SLC35F4: variants seen among roughly 807,000 people sequenced by gnomAD.
SLC35F4 encodes the protein solute carrier family 35 member F4.
SLC35F4 carries 24 observed loss-of-function variants against 44.2 expected under a neutral mutation model. That is an observed-to-expected ratio of 0.54 (90% CI 0.39 to 0.76). The LOEUF is 0.76. Ranked by LOEUF, SLC35F4 falls within the 30% of genes least tolerant of loss-of-function variation. SLC35F4 has a pLI of 0.00. For synonymous variants in SLC35F4, 238 were observed against 223.6 expected, an observed-to-expected ratio of 1.06 and a Z score of -0.57; for missense variants, 562 against 586.1, an observed-to-expected ratio of 0.96 and a Z score of 0.42.
At chr14:57,825,833 G>A (rs1189137518) in intron 1 of SLC35F4, among the ~76,000 whole-genome samples, 1 of 152,042 alleles carries the variant, frequency 6.6e-6, no homozygotes, top group Non-Finnish European at 1.5e-5. Flanking sequence ...CCTCTTCAAG[G>A]AGAACTACCT....
chr14:57,841,416 T>G (rs1053082914), intron 1 of SLC35F4, among the ~76,000 whole-genome samples: 1 of 152,062 alleles, frequency 6.6e-6, no homozygotes, highest in Non-Finnish European at 1.5e-5. Context: ...AAAATAGCGA[T>G]TGTGGAAGTG....
At chr14:57,814,911 T>C (rs1307678705) in intron 1 of SLC35F4, among the ~76,000 whole-genome samples, 1 of 152,198 alleles carries the variant, frequency 6.6e-6, no homozygotes, top group Non-Finnish European at 1.5e-5. Flanking sequence ...AGGAGTGCTT[T>C]GCCAGATACA....
At chr14:57,692,503 C>G (rs2075265053) in intron 1 of SLC35F4, among the ~76,000 whole-genome samples, 1 of 151,854 alleles carries the variant, frequency 6.6e-6, no homozygotes, top group Non-Finnish European at 1.5e-5. Flanking sequence ...TTTAGTTCAC[C>G]ACTTAATCTG....
intron 1 of SLC35F4, among the ~76,000 whole-genome samples, chr14:57,723,563 G>A (rs1221992451): frequency 3.9e-5 from 6 of 152,244 alleles, no homozygotes; most frequent in Non-Finnish European, 7.3e-5. Flanking sequence ...TGTACCAGAT[G>A]TGGTTTCATT....
chr14:57,887,406 C>G (rs183644909), intron 1 of SLC35F4, among the ~76,000 whole-genome samples: 2 of 152,316 alleles, frequency 1.3e-5, no homozygotes, highest in East Asian at 1.9e-4. Context: ...ACAGGTAATA[C>G]AGACTGTTCT....
At chr14:57,925,025 G>C (rs7148048) in intron 1 of SLC35F4, among the ~76,000 whole-genome samples, 21,136 of 151,926 alleles carry the variant, frequency 0.14, 1,639 homozygotes, top group Middle Eastern at 0.2. Context: ...CAAATTGCTG[G>C]GATTACAGGC....
intron 1 of SLC35F4, among the ~76,000 whole-genome samples, chr14:57,716,124 G>T (rs1264836760): frequency 6.6e-6 from 1 of 152,262 alleles, no homozygotes; most frequent in Admixed American, 6.5e-5. Context: ...CACTGTGTGC[G>T]TGCGGGTTTT....
At chr14:57,964,297 C>G (rs547087790) in intron 1 of SLC35F4, among the ~76,000 whole-genome samples, 1 of 151,834 alleles carries the variant, frequency 6.6e-6, no homozygotes, top group African/African-American at 2.4e-5. Context: ...TCCAGCTTCT[C>G]GGCAGAAGTA....
intron 1 of SLC35F4, among the ~76,000 whole-genome samples, chr14:57,794,292 C>G (rs1447736825): frequency 1.3e-5 from 2 of 152,080 alleles, no homozygotes; most frequent in Non-Finnish European, 2.9e-5. Context: ...TATCTGCAAA[C>G]TATACATCTG....
chr14:57,732,174 C>T (rs574364728), intron 1 of SLC35F4, among the ~76,000 whole-genome samples: 5 of 152,082 alleles, frequency 3.3e-5, no homozygotes, highest in Admixed American at 6.6e-5. Flanking sequence ...CTGTTTTGAG[C>T]TTTATTTTTT....
intron 1 of SLC35F4, among the ~76,000 whole-genome samples, chr14:57,660,082 T>C (rs2074090048): frequency 6.6e-6 from 1 of 152,328 alleles, no homozygotes; most frequent in East Asian, 1.9e-4. Context: ...AAGATATGTG[T>C]TGGTTTGACT....
intron 4 of SLC35F4, among the ~76,000 whole-genome samples, chr14:57,576,540 GA>G (rs2068800108): frequency 6.6e-6 from 1 of 152,198 alleles, no homozygotes; most frequent in Non-Finnish European, 1.5e-5. Context: ...TGGCTATACA[GA>G]ATCCTTAAAC....
At chr14:57,725,897 AT>A (rs1356878203) in intron 1 of SLC35F4, among the ~76,000 whole-genome samples, 5 of 152,092 alleles carry the variant, frequency 3.3e-5, no homozygotes, top group Non-Finnish European at 7.4e-5. Context: ...CACTAGCAAA[AT>A]TTTTGCTTCC....
intron 1 of SLC35F4, among the ~76,000 whole-genome samples, chr14:57,790,097 C>T (rs11504591): frequency 0.29 from 43,513 of 152,054 alleles, 6,837 homozygotes; most frequent in Admixed American, 0.4. Flanking sequence ...GACAAGGATG[C>T]CCTTTCTCAC....
At chr14:57,571,679 A>C (rs1005658650) in intron 5 of SLC35F4, among the ~76,000 whole-genome samples, 1 of 152,232 alleles carries the variant, frequency 6.6e-6, no homozygotes, top group African/African-American at 2.4e-5. Context: ...TCATCTGGAA[A>C]GTGGAAATAA....
chr14:57,673,731 G>A (rs921331640), intron 1 of SLC35F4, among the ~76,000 whole-genome samples: 1 of 152,032 alleles, frequency 6.6e-6, no homozygotes, highest in Admixed American at 6.6e-5. Context: ...GAAAACATAT[G>A]AGATTATCTT....
At chr14:57,799,200 G>A (rs1180938735) in intron 1 of SLC35F4, among the ~76,000 whole-genome samples, 1 of 152,204 alleles carries the variant, frequency 6.6e-6, no homozygotes, top group African/African-American at 2.4e-5. Flanking sequence ...GAGCTGCTCA[G>A]AGCCAAAGAA....
intron 1 of SLC35F4, among the ~76,000 whole-genome samples, chr14:57,787,528 T>C (rs1302201287): frequency 2.0e-5 from 3 of 152,076 alleles, no homozygotes; most frequent in Non-Finnish European, 4.4e-5. Flanking sequence ...AGGTAACCTA[T>C]AAAGAAAAAC....
intron 1 of SLC35F4, among the ~76,000 whole-genome samples, chr14:57,841,263 G>A (rs528318858): frequency 6.6e-6 from 1 of 152,174 alleles, no homozygotes; most frequent in Non-Finnish European, 1.5e-5. Flanking sequence ...GGGTGAGCAG[G>A]TTGTGATCCA....
Sources: allele counts gnomAD v4.1 joint callset (sites outside exome capture counted in the v4.1 genomes callset), GRCh38; gene constraint gnomAD v4.1.1; transcripts MANE v1.5; gene names NCBI Gene and HGNC (gene_info 2026-07-23, HGNC 2026-07-21).